The following SIRT1 variants were observed in gnomAD, a reference collection of about 807,000 sequenced individuals.
SIRT1 encodes sirtuin 1.
In SIRT1, 24 loss-of-function variants were observed where a neutral mutation model predicts 67.9. That is an observed-to-expected ratio of 0.35 (90% CI 0.26 to 0.50). The LOEUF (loss-of-function observed/expected upper bound fraction) is 0.50. SIRT1 is among the 20% of genes least tolerant of loss of function. The pLI, the probability that SIRT1 is intolerant of heterozygous loss-of-function variation, is 0.98. For synonymous variants in SIRT1, 378 were observed against 350.7 expected, an observed-to-expected ratio of 1.08 and a Z score of -0.87; for missense variants, 873 against 937.2, an observed-to-expected ratio of 0.93 and a Z score of 0.89.
chr10:67,912,326 T>C (rs1343041371), intron 7 of SIRT1, 148 bp from the exon 8 acceptor site: 3 of 650,868 alleles, frequency 4.6e-6, no homozygotes, highest in Non-Finnish European at 7.7e-6. Context: ...TGAAATGTAA[T>C]GGCTTGGTTA....
chr10:67,900,386 C>T (rs766204563), intron 4 of SIRT1, among the ~76,000 whole-genome samples: 5 of 152,030 alleles, frequency 3.3e-5, no homozygotes, highest in Non-Finnish European at 7.4e-5. Flanking sequence ...CTCAGGTGAT[C>T]CGCCCACCTT....
chr10:67,905,174 A>T (rs1185511443), intron 4 of SIRT1, among the ~76,000 whole-genome samples: 1 of 152,216 alleles, frequency 6.6e-6, no homozygotes, highest in Non-Finnish European at 1.5e-5. Flanking sequence ...AGTGCCTAAA[A>T]TACTCTAAAA....
intron 5 of SIRT1, 146 bp downstream of exon 5, chr10:67,907,083 A>T: frequency 1.4e-6 from 1 of 693,616 alleles, no homozygotes; most frequent in Non-Finnish European, 2.2e-6. Context: ...GAAAAGTAGA[A>T]AACAAAAATA....
chr10:67,885,015 T>C lies in SIRT1; in HGVS notation c.294T>C (p.Ala98=). The change falls in exon 1 of 9, where the codon GCT becomes GCC. Residue 98 remains alanine, a synonymous_variant. Coordinates refer to ENST00000212015, the MANE Select transcript of SIRT1 (RefSeq NM_012238.5). ...AAGAGGCCCAGGCGACTGCGGCGGC[T>C]GGGGAAGGAGACAATGGGCCGGGCC... ...GEQEAQATAA[A]GEGDNGPGLQ... 1 of 1,318,652 alleles carries C rather than the reference T, an allele frequency of 7.6e-7. No homozygotes were observed. Among genetic ancestry groups the C allele is most frequent in the Non-Finnish European group, 9.7e-7 (1 of 1,025,954 alleles). 81.7% of individuals were successfully genotyped at this position (1,318,652 alleles called of 1,614,324 possible). A position where few individuals can be genotyped will look rare whatever the true frequency, so the allele number is the denominator to read the frequency against.
intron 4 of SIRT1, among the ~76,000 whole-genome samples, chr10:67,893,057 G>T (rs547222646): frequency 6.6e-6 from 1 of 152,220 alleles, no homozygotes; most frequent in Admixed American, 6.5e-5. Context: ...TTTCTTTCCT[G>T]TATTTCAGTC....
At chr10:67,904,783 G>T (rs1842796456) in intron 4 of SIRT1, among the ~76,000 whole-genome samples, 1 of 151,914 alleles carries the variant, frequency 6.6e-6, no homozygotes, top group Admixed American at 6.6e-5. Context: ...GGTGGAGGTT[G>T]TGGTGAGCTG....
At chr10:67,897,948 CTTTTTTTT>C (rs1193148620) in intron 4 of SIRT1, among the ~76,000 whole-genome samples, 24 of 108,910 alleles carry the variant, frequency 2.2e-4, no homozygotes, top group Admixed American at 7.3e-4. Flanking sequence ...TATAAAATAA[CTTTTTTTT>C]TTTTTTTTTT....
chr10:67,912,724 A>G lies in SIRT1; in HGVS notation c.1608A>G (p.Glu536=). ...ELPPTPLHVS[E]DSSSPERTSP... is the part of the protein sequence containing the mutation. The stretch of plus-strand genomic sequence containing the variant: ...CACCCACACCTCTTCATGTTTCAGA[A>G]GACTCAAGTTCACCAGAAAGAACTT... The change falls in exon 8 of 9, where the codon GAA becomes GAG. Residue 536 remains glutamate (E), a synonymous_variant. Coordinates refer to ENST00000212015, the MANE Select transcript of SIRT1 (RefSeq NM_012238.5). The G allele has an allele frequency of 6.2e-7, 1 of 1,614,186 alleles. No individual in the cohort carries two copies. The highest frequency in any genetic ancestry group is 1.7e-5 in the Admixed American group (1 of 60,018).
At chr10:67,888,206 A>T (rs893881843) in intron 2 of SIRT1, among the ~76,000 whole-genome samples, 1 of 152,234 alleles carries the variant, frequency 6.6e-6, no homozygotes, top group African/African-American at 2.4e-5. Flanking sequence ...CCAAAGGTAT[A>T]ACCATCTTGA....
Position 67,887,292 on chromosome 10 carries a change from A to G in SIRT1, c.431-125A>G. Reference sequence around the variant, plus strand: ...AACAGTGCAAGCTGACCCCATAGGCATGCTTTACACACGCCGTGTAAATGT... The same window carrying G: ...AACAGTGCAAGCTGACCCCATAGGCGTGCTTTACACACGCCGTGTAAATGT... On this transcript the variant is annotated intron_variant, in intron 1 of 8. Transcript: ENST00000212015. The G allele has an allele frequency of 4.6e-6, 3 of 654,876 alleles. No individual in the cohort carries two copies. In the East Asian group the frequency reaches 8.2e-5, roughly 18 times the overall value. 40.6% of individuals were successfully genotyped at this position (654,876 alleles called of 1,614,324 possible).
intron 2 of SIRT1, 35 bp downstream of exon 2, chr10:67,887,568 T>C (rs776473256): frequency 5.6e-6 from 8 of 1,433,856 alleles, no homozygotes; most frequent in Admixed American, 3.5e-5. Flanking sequence ...AGAGAGTAAA[T>C]GTACGGTTTT....
At chr10:67,907,261 G>A (rs950698107) in intron 5 of SIRT1, among the ~76,000 whole-genome samples, 2 of 152,116 alleles carry the variant, frequency 1.3e-5, no homozygotes, top group African/African-American at 2.4e-5. Context: ...TTGGGAAGCC[G>A]AGGCGGGCAG....
intron 4 of SIRT1, among the ~76,000 whole-genome samples, chr10:67,898,296 G>T (rs1377380189): frequency 6.6e-6 from 1 of 151,376 alleles, no homozygotes; most frequent in Non-Finnish European, 1.5e-5. Context: ...AAAGAAAAGG[G>T]ACTATACTAT....
At chr10:67,897,445 G>A (rs1842676042) in intron 4 of SIRT1, among the ~76,000 whole-genome samples, 1 of 151,888 alleles carries the variant, frequency 6.6e-6, no homozygotes, top group Non-Finnish European at 1.5e-5. Context: ...TTGGCTCACT[G>A]CAACCTCTGC....
rs1405935125 is a variant in SIRT1 at position 67,885,078 on chromosome 10, C to T, written c.357C>T (p.Asn119=). 4.1e-6 allele frequency: 6 copies of T among 1,447,118 alleles called. No individual in the cohort carries two copies. Among genetic ancestry groups the T allele is most frequent in the African/African-American group, 1.5e-5 (1 of 67,426 alleles). The allele number at this position is 1,447,118 out of a possible 1,614,324, so 89.6% of individuals were successfully genotyped here. A position where few individuals can be genotyped will look rare whatever the true frequency, so the allele number is the denominator to read the frequency against. The change falls in exon 1 of 9, where the codon AAC becomes AAT. Residue 119 remains asparagine (N), a synonymous_variant. Transcript: ENST00000212015. ...CTCGGGAGCCACCGCTGGCCGACAA[C>T]TTGTACGACGAAGACGACGACGACG... ...GPSREPPLAD[N]LYDEDDDDEG...
intron 8 of SIRT1, among the ~76,000 whole-genome samples, 161 bp from the exon 9 acceptor site, chr10:67,916,104 C>T (rs1030351620): frequency 7.9e-5 from 12 of 152,198 alleles, no homozygotes; most frequent in Admixed American, 7.2e-4. Flanking sequence ...GCTGGGACTG[C>T]AGGCACACCA....
In SIRT1 at chr10:67,916,272, G is replaced by A; in HGVS notation, c.1923G>A (p.Gln641=). ...EQISRRLDGN[Q]YLFLPPNRYI... ...TTTATTACTGTATTTCAGGTAATCA[G>A]TATCTGTTTTTGCCACCAAATCGTT... Residue 641 remains glutamine (Q), a synonymous_variant, in exon 9 of 9, where the codon CAG becomes CAA. Transcript: ENST00000212015. The A allele has an allele frequency of 1.3e-6, 2 of 1,597,562 alleles. No homozygotes were observed. Among genetic ancestry groups the A allele is most frequent in the Non-Finnish European group, 1.7e-6 (2 of 1,166,582 alleles).
chr10:67,916,154 A>G (rs1324935979), intron 8 of SIRT1, 111 bp from the exon 9 acceptor site: 2 of 953,756 alleles, frequency 2.1e-6, no homozygotes, highest in Admixed American at 2.7e-5. Context: ...GTAGTCTTTC[A>G]TAAGGACACT....
intron 7 of SIRT1, among the ~76,000 whole-genome samples, chr10:67,910,226 T>C (rs1401014877): frequency 6.6e-6 from 1 of 151,962 alleles, no homozygotes; most frequent in African/African-American, 2.4e-5. Flanking sequence ...AATACAAAAA[T>C]TAGCTGGGCA....
Sources: gnomAD v4.1 joint callset for allele counts (sites outside exome capture counted in the v4.1 genomes callset) on GRCh38, gnomAD v4.1.1 for gene constraint, MANE v1.5 for transcripts, NCBI Gene and HGNC (gene_info 2026-07-23, HGNC 2026-07-21) for gene names.